The following CLVS1 variants were observed in gnomAD, a reference collection of about 807,000 sequenced individuals.
The protein encoded by CLVS1 is clavesin 1.
In CLVS1, 10 loss-of-function variants were observed where a neutral mutation model predicts 33.1. The ratio of observed to expected loss-of-function variants is 0.30; its 90% CI spans 0.19 to 0.51. CLVS1 has a LOEUF of 0.51. Among genes scored for constraint, CLVS1 ranks in the 20% least tolerant of loss-of-function variants. The pLI is 0.97. For missense variants in CLVS1, 343 were observed against 433.4 expected (o/e 0.79, Z 1.85); for synonymous variants, 163 against 166.1 (o/e 0.98, Z 0.14).
intron 1 of CLVS1, among the ~76,000 whole-genome samples, chr8:61,095,486 G>A (rs1287178098): frequency 6.6e-6 from 1 of 152,138 alleles, no homozygotes; most frequent in Non-Finnish European, 1.5e-5. Flanking sequence ...GGAGGTGCTG[G>A]GTAGGCAGTG....
At chr8:61,414,124 A>C (rs982397393) in intron 3 of CLVS1, among the ~76,000 whole-genome samples, 2 of 152,220 alleles carry the variant, frequency 1.3e-5, no homozygotes, top group Admixed American at 1.3e-4. Flanking sequence ...GGAAAAATAA[A>C]TCTGGCTTCC....
At chr8:61,070,136 T>A (rs943542002) in intron 1 of CLVS1, among the ~76,000 whole-genome samples, 1 of 152,170 alleles carries the variant, frequency 6.6e-6, no homozygotes, top group African/African-American at 2.4e-5. Flanking sequence ...TCCCCTTGGC[T>A]GCCTCGTGTT....
At chr8:61,268,123 A>G (rs1230479738) in intron 2 of CLVS1, among the ~76,000 whole-genome samples, 1 of 150,700 alleles carries the variant, frequency 6.6e-6, no homozygotes, top group Non-Finnish European at 1.5e-5. Context: ...CCACTAACTC[A>G]TCATCTAGCA....
At chr8:61,261,301 G>A (rs144522957) in intron 2 of CLVS1, among the ~76,000 whole-genome samples, 141 of 152,298 alleles carry the variant, frequency 9.3e-4, no homozygotes, top group African/African-American at 3.3e-3. Flanking sequence ...CACTGGTTAA[G>A]CAACATTATT....
the CLVS1 span, among the ~76,000 whole-genome samples, chr8:61,021,626 T>G: frequency 4.6e-5 from 7 of 152,096 alleles, no homozygotes; most frequent in Non-Finnish European, 8.8e-5. Context: ...CCTCCCAAAG[T>G]GCTGGGATTA....
At chr8:61,104,401 C>A (rs554611642) in intron 1 of CLVS1, among the ~76,000 whole-genome samples, 1 of 152,106 alleles carries the variant, frequency 6.6e-6, no homozygotes, top group Non-Finnish European at 1.5e-5. Flanking sequence ...CTTGCAGTAG[C>A]CAGAAGTGAT....
At chr8:61,253,912 TCTCAA>T (rs1404074721) in intron 2 of CLVS1, among the ~76,000 whole-genome samples, 1 of 152,226 alleles carries the variant, frequency 6.6e-6, no homozygotes, top group Non-Finnish European at 1.5e-5. Flanking sequence ...AGCCTTCTTC[TCTCAA>T]CTCGTCAAAG....
the CLVS1 span, among the ~76,000 whole-genome samples, chr8:61,023,640 C>T: frequency 1.3e-5 from 2 of 152,220 alleles, no homozygotes; most frequent in African/African-American, 4.8e-5. Flanking sequence ...CTGCGCCATC[C>T]GCAGCGCTCG....
At chr8:61,177,590 G>A (rs1036916656) in intron 2 of CLVS1, among the ~76,000 whole-genome samples, 4 of 152,082 alleles carry the variant, frequency 2.6e-5, no homozygotes, top group African/African-American at 9.7e-5. Flanking sequence ...CTGGCATCAA[G>A]TTGGCGCCCC....
At chr8:61,225,034 T>A (rs1429326737) in intron 2 of CLVS1, among the ~76,000 whole-genome samples, 1 of 152,160 alleles carries the variant, frequency 6.6e-6, no homozygotes, top group Non-Finnish European at 1.5e-5. Context: ...AATATAAATG[T>A]GGCCAGGCAT....
intron 2 of CLVS1, among the ~76,000 whole-genome samples, chr8:61,306,068 T>A (rs1810615335): frequency 6.6e-6 from 1 of 152,222 alleles, no homozygotes; most frequent in African/African-American, 2.4e-5. Context: ...ATAGGATTAC[T>A]GGGTCAAGTG....
At chr8:61,134,254 A>AC (rs1197666607) in intron 2 of CLVS1, among the ~76,000 whole-genome samples, 22 of 151,742 alleles carry the variant, frequency 1.4e-4, no homozygotes, top group African/African-American at 5.3e-4. Flanking sequence ...GAGATGGAAG[A>AC]CCCCCGCCCT....
At chr8:61,488,660 CTT>C (rs1379558557) in intron 5 of CLVS1, among the ~76,000 whole-genome samples, 1 of 152,138 alleles carries the variant, frequency 6.6e-6, no homozygotes, top group African/African-American at 2.4e-5. Context: ...TTTATTGTAT[CTT>C]TTATCTTTCA....
At chr8:61,454,106 A>G (rs1817063890) in intron 3 of CLVS1, 35 bp from the exon 4 acceptor site, 1 of 1,424,550 alleles carries the variant, frequency 7.0e-7, no homozygotes, top group Admixed American at 1.7e-5. Flanking sequence ...AGGTGTGCTT[A>G]CTAATCGGTG....
intron 3 of CLVS1, among the ~76,000 whole-genome samples, chr8:61,418,758 A>C (rs1815540150): frequency 6.6e-6 from 1 of 152,188 alleles, no homozygotes; most frequent in Non-Finnish European, 1.5e-5. Flanking sequence ...TAGGTCACTC[A>C]ACTTACTCTC....
At chr8:61,352,054 TTATAAATCA>T (rs1237460101) in intron 2 of CLVS1, among the ~76,000 whole-genome samples, 2 of 152,034 alleles carry the variant, frequency 1.3e-5, no homozygotes, top group Non-Finnish European at 2.9e-5. Flanking sequence ...CTCATGAGTT[TTATAAATCA>T]TATTTGATGA....
chr8:61,383,119 C>G (rs1431925801), intron 3 of CLVS1, among the ~76,000 whole-genome samples: 2 of 152,310 alleles, frequency 1.3e-5, no homozygotes, highest in East Asian at 3.9e-4. Context: ...AAAATTAGAC[C>G]TTACCAGCCT....
chr8:61,062,783 T>C (rs1049478295), intron 1 of CLVS1, among the ~76,000 whole-genome samples: 2 of 152,206 alleles, frequency 1.3e-5, no homozygotes, highest in African/African-American at 4.8e-5. Flanking sequence ...TCCATATGTC[T>C]TTCTAAATAA....
chr8:61,129,340 C>A (rs535807392), intron 1 of CLVS1, among the ~76,000 whole-genome samples: 6 of 152,328 alleles, frequency 3.9e-5, no homozygotes, highest in African/African-American at 1.4e-4. Context: ...TGGGCACCTG[C>A]TGTGCAGCTA....
Sources: gnomAD v4.1 joint callset for allele counts (sites outside exome capture counted in the v4.1 genomes callset) on GRCh38, gnomAD v4.1.1 for gene constraint, MANE v1.5 for transcripts, NCBI Gene and HGNC (gene_info 2026-07-23, HGNC 2026-07-21) for gene names.